The following CSMD1 variants were observed in gnomAD, a reference collection of about 807,000 sequenced individuals.
CSMD1 encodes the protein CUB and Sushi multiple domains 1.
A neutral mutation model predicts 417.5 loss-of-function variants in CSMD1; 213 were observed. The observed-to-expected ratio is 0.51, with a 90% CI of 0.46 to 0.57. CSMD1 has a LOEUF of 0.57. CSMD1 is among the 20% of genes least tolerant of loss of function. The pLI, the probability that CSMD1 is intolerant of heterozygous loss-of-function variation, is 0.00. For synonymous variants in CSMD1, 2,862 were observed against 1,736.8 expected, an observed-to-expected ratio of 1.65 and a Z score of -16.11; for missense variants, 6,923 against 4,529.7, an observed-to-expected ratio of 1.53 and a Z score of -15.17.
At position 4,537,188 on chromosome 8, in the gene CSMD1, T is replaced by C. The variant is rs556015911; in HGVS notation, c.302+100154A>G. Among the ~76,000 whole-genome samples the C allele has an allele frequency of 8.9e-4, 136 of 152,322 alleles. 1 individual carries two copies. Among genetic ancestry groups the C allele is most frequent in the African/African-American group, 3.1e-3 (129 of 41,576 alleles). ...TTCTGTCATGAGACTACTATTTATA[T>C]ATCAGCATTAAAGGGAAATATAATT... On this transcript the variant is annotated intron_variant, in intron 2 of 69. Transcript: ENST00000635120.
At chr8:4,051,347 C>T (rs543397384) in intron 3 of CSMD1, among the ~76,000 whole-genome samples, 515 of 151,132 alleles carry the variant, frequency 3.4e-3, no homozygotes, top group Non-Finnish European at 5.7e-3. Flanking sequence ...AAGCCAGACT[C>T]GGCAGCTTCT....
At chr8:3,595,976 G>C (rs1311236314) in intron 8 of CSMD1, among the ~76,000 whole-genome samples, 3 of 152,190 alleles carry the variant, frequency 2.0e-5, no homozygotes, top group East Asian at 3.9e-4. Context: ...GAGATCCAAG[G>C]TGAAAGCCCC....
chr8:3,518,509 A>G (rs1029441629), intron 10 of CSMD1, among the ~76,000 whole-genome samples: 8 of 152,254 alleles, frequency 5.3e-5, no homozygotes, highest in Non-Finnish European at 2.9e-5. Flanking sequence ...AAGAATCAGA[A>G]AAATGACTAA....
At chr8:4,467,849 G>C (rs926678163) in intron 2 of CSMD1, among the ~76,000 whole-genome samples, 7 of 152,190 alleles carry the variant, frequency 4.6e-5, no homozygotes, top group Admixed American at 2.6e-4. Flanking sequence ...TTGGACAAAA[G>C]TCAGTGAAAA....
At chr8:4,588,700 G>A (rs1197245554) in intron 2 of CSMD1, among the ~76,000 whole-genome samples, 1 of 151,772 alleles carries the variant, frequency 6.6e-6, no homozygotes, top group East Asian at 2.0e-4. Flanking sequence ...CACAAGAATC[G>A]CTTGAACCCG....
intron 23 of CSMD1, among the ~76,000 whole-genome samples, chr8:3,330,940 A>C (rs1278593965): frequency 6.6e-6 from 1 of 152,196 alleles, no homozygotes; most frequent in African/African-American, 2.4e-5. Flanking sequence ...CTTAAATAAA[A>C]TATTTCAAAT....
intron 2 of CSMD1, among the ~76,000 whole-genome samples, chr8:4,523,266 T>A (rs1803575704): frequency 6.6e-6 from 1 of 152,190 alleles, no homozygotes. Context: ...GACCCTCAAA[T>A]CATTTGCCAT....
intron 3 of CSMD1, among the ~76,000 whole-genome samples, chr8:4,416,170 G>C (rs998979691): frequency 1.3e-5 from 2 of 152,148 alleles, no homozygotes; most frequent in Admixed American, 1.3e-4. Context: ...AGTGATTCTA[G>C]TTAATAAATA....
Position 4,499,554 on chromosome 8 carries a change from A to T in CSMD1, c.303-79489T>A, listed in dbSNP as rs1250888489. On this transcript the variant is annotated intron_variant, in intron 2 of 69. Coordinates refer to ENST00000635120, the MANE Select transcript of CSMD1 (RefSeq NM_033225.6). ...GTTTAAACAAGGTGGATAAGCGATA[A>T]CATATAAGAGGGCAATAATAAAACA... is the stretch of plus-strand genomic sequence containing the variant. 1.3e-5 allele frequency among the ~76,000 whole-genome samples: 2 copies of T among 152,242 alleles called. 1 individual carries two copies. Among genetic ancestry groups the T allele is most frequent in the Non-Finnish European group, 2.9e-5 (2 of 68,044 alleles).
intron 5 of CSMD1, among the ~76,000 whole-genome samples, chr8:3,798,468 T>A (rs2129071328): frequency 6.6e-6 from 1 of 152,170 alleles, no homozygotes; most frequent in South Asian, 2.1e-4. Context: ...AACCACTTGA[T>A]TCATATCTTG....
chr8:4,133,371 G>C (rs574818471), intron 3 of CSMD1, among the ~76,000 whole-genome samples: 2 of 152,166 alleles, frequency 1.3e-5, no homozygotes, highest in Non-Finnish European at 2.9e-5. Flanking sequence ...GCTTAATAAA[G>C]TGACACTTTA....
intron 3 of CSMD1, among the ~76,000 whole-genome samples, chr8:4,350,581 C>T (rs1018293495): frequency 1.3e-5 from 2 of 152,106 alleles, no homozygotes; most frequent in African/African-American, 4.8e-5. Flanking sequence ...TTAACACTTC[C>T]ACGCTTACAA....
At chr8:2,996,573 G>A (rs1320510850) in intron 54 of CSMD1, among the ~76,000 whole-genome samples, 5 of 152,208 alleles carry the variant, frequency 3.3e-5, no homozygotes, top group Non-Finnish European at 5.9e-5. Context: ...TCCACAAAGA[G>A]TCACCGCTAG....
chr8:3,279,536 G>C (rs1802572971), intron 26 of CSMD1, among the ~76,000 whole-genome samples: 1 of 152,132 alleles, frequency 6.6e-6, no homozygotes, highest in Admixed American at 6.5e-5. Context: ...ATCCCAGTGG[G>C]ATAATTTGAG....
intron 2 of CSMD1, among the ~76,000 whole-genome samples, chr8:4,540,827 G>A (rs1797345423): frequency 6.6e-6 from 1 of 151,868 alleles, no homozygotes; most frequent in Non-Finnish European, 1.5e-5. Flanking sequence ...ATAAAACTGA[G>A]GCAAAAAAAG....
intron 5 of CSMD1, among the ~76,000 whole-genome samples, chr8:3,926,106 C>CCATACACACACACACACACACAA (rs772372080): frequency 2.0e-5 from 1 of 51,106 alleles, no homozygotes; most frequent in Non-Finnish European, 3.9e-5. Flanking sequence ...CACACACACA[C>CCATACACACACACACACACACAA]ACACACACAC....
intron 3 of CSMD1, among the ~76,000 whole-genome samples, chr8:4,302,382 C>A (rs141700258): frequency 1.3e-5 from 2 of 152,312 alleles, no homozygotes; most frequent in African/African-American, 4.8e-5. Context: ...TTATACTATT[C>A]AGGCACTAGT....
At chr8:3,928,506 T>G (rs971144389) in intron 5 of CSMD1, among the ~76,000 whole-genome samples, 18 of 135,930 alleles carry the variant, frequency 1.3e-4, no homozygotes, top group Admixed American at 1.1e-3. Context: ...CAGGGGGCAC[T>G]GCCCAGCTGC....
chr8:3,354,067 T>C (rs1488732634), intron 21 of CSMD1, among the ~76,000 whole-genome samples: 1 of 152,198 alleles, frequency 6.6e-6, no homozygotes, highest in Non-Finnish European at 1.5e-5. Flanking sequence ...AAAATGTCTG[T>C]ATAAATTAAT....
Sources: gnomAD v4.1 joint callset for allele counts (sites outside exome capture counted in the v4.1 genomes callset) on GRCh38, gnomAD v4.1.1 for gene constraint, MANE v1.5 for transcripts, NCBI Gene and HGNC (gene_info 2026-07-23, HGNC 2026-07-21) for gene names.